Variants in NDUFA5 observed in about 807,000 individuals in gnomAD.
NDUFA5 encodes NADH dehydrogenase [ubiquinone] 1 alpha subcomplex subunit 5.
In NDUFA5, 11 loss-of-function variants were observed where a neutral mutation model predicts 19.8. The ratio of observed to expected loss-of-function variants is 0.56; its 90% CI spans 0.35 to 0.92. The LOEUF is 0.92. Among genes scored for constraint, NDUFA5 ranks in the 40% least tolerant of loss-of-function variants. The pLI is 0.01. For synonymous variants in NDUFA5, 47 were observed against 46.8 expected, an observed-to-expected ratio of 1.00 and a Z score of -0.01; for missense variants, 109 against 134.2, an observed-to-expected ratio of 0.81 and a Z score of 0.93.
At chr7:123,557,339 G>A (rs748602154) in intron 2 of NDUFA5, 65 bp downstream of exon 2, 192 of 1,605,930 alleles carry the variant, frequency 1.2e-4, no homozygotes, top group Non-Finnish European at 1.5e-4. Flanking sequence ...CCTGCAATAA[G>A]CAAAGTGACA....
chr7:123,590,475 A>T, the NDUFA5 span, among the ~76,000 whole-genome samples: 1 of 152,282 alleles, frequency 6.6e-6, no homozygotes, highest in East Asian at 1.9e-4. Flanking sequence ...TAAGTCTTTA[A>T]TCCATCTTGA....
intron 2 of NDUFA5, chr7:123,554,835 C>A (rs931389200): frequency 6.6e-6 from 1 of 152,212 alleles, no homozygotes; most frequent in South Asian, 2.1e-4. Context: ...GTGCACACCA[C>A]CACACCTGAT....
the NDUFA5 span, among the ~76,000 whole-genome samples, chr7:123,574,104 T>C: frequency 7.9e-5 from 12 of 152,180 alleles, no homozygotes; most frequent in African/African-American, 2.9e-4. Flanking sequence ...AAATATCCCC[T>C]TTGGAGTGCC....
chr7:123,576,039 T>G, the NDUFA5 span, among the ~76,000 whole-genome samples: 1 of 151,366 alleles, frequency 6.6e-6, no homozygotes, highest in Non-Finnish European at 1.5e-5. Flanking sequence ...TTGTTGGATT[T>G]TACTTGACTG....
chr7:123,540,865 T>G lies in NDUFA5; in HGVS notation c.*1254A>C, dbSNP rs1797905074. On this transcript the variant is annotated 3_prime_UTR_variant, in exon 5 of 5. Coordinates refer to ENST00000355749, the MANE Select transcript of NDUFA5 (RefSeq NM_005000.5). ...AGGAAAAATACCATTTTTTTCTCATTCTGAGCAAATGTGCGCATGCGCGTG... is the reference window on the plus strand; with the variant it reads ...AGGAAAAATACCATTTTTTTCTCATGCTGAGCAAATGTGCGCATGCGCGTG... 6.7e-6 allele frequency: 1 copy of G among 148,608 alleles called. No individual in the cohort carries two copies. The highest frequency in any genetic ancestry group is 6.7e-5 in the Admixed American group (1 of 14,816). 9.2% of individuals were successfully genotyped at this position (148,608 alleles called of 1,614,324 possible). A position where few individuals can be genotyped will look rare whatever the true frequency, so the allele number is the denominator to read the frequency against.
the NDUFA5 span, among the ~76,000 whole-genome samples, chr7:123,597,721 C>T: frequency 2.6e-5 from 4 of 152,020 alleles, no homozygotes; most frequent in African/African-American, 7.2e-5. Context: ...ATCCTAGCTA[C>T]GCGGGAGGCT....
chr7:123,572,323 G>A, the NDUFA5 span, among the ~76,000 whole-genome samples: 2 of 151,206 alleles, frequency 1.3e-5, no homozygotes, highest in Non-Finnish European at 3.0e-5. Context: ...TGTATTTTTA[G>A]TAGAGACAGG....
At chr7:123,601,197 G>T in the NDUFA5 span, among the ~76,000 whole-genome samples, 1 of 151,966 alleles carries the variant, frequency 6.6e-6, no homozygotes, top group African/African-American at 2.4e-5. Flanking sequence ...AACTTAATTG[G>T]TTTTTTAAAA....
the NDUFA5 span, among the ~76,000 whole-genome samples, chr7:123,569,636 G>T: frequency 6.6e-6 from 1 of 152,152 alleles, no homozygotes; most frequent in Non-Finnish European, 1.5e-5. Context: ...GAAGAAAGGT[G>T]GACAAGGTTA....
At chr7:123,546,814 T>A in intron 3 of NDUFA5, 1 of 670,576 alleles carries the variant, frequency 1.5e-6, no homozygotes, top group Non-Finnish European at 2.4e-6. Flanking sequence ...TGCATTATGA[T>A]AGGCTGAAAA....
At position 123,541,620 on chromosome 7, in the gene NDUFA5, G is replaced by A. The variant is rs1169547377; in HGVS notation, c.*499C>T. 1 of 152,126 alleles carries A rather than the reference G, an allele frequency of 6.6e-6. No homozygotes were observed. Among genetic ancestry groups the A allele is most frequent in the Non-Finnish European group, 1.5e-5 (1 of 68,008 alleles). The allele number at this position is 152,126 out of a possible 1,614,324, so 9.4% of individuals were successfully genotyped here. The stretch of plus-strand genomic sequence containing the variant: ...ACTTTACATACATAAGATCACAGCT[G>A]AGGTTAACCATAATTTCAAATTTTA... On this transcript the variant is annotated 3_prime_UTR_variant, in exon 5 of 5. Transcript: ENST00000355749.
At chr7:123,600,427 T>C in the NDUFA5 span, among the ~76,000 whole-genome samples, 1 of 152,196 alleles carries the variant, frequency 6.6e-6, no homozygotes, top group Non-Finnish European at 1.5e-5. Context: ...AGCCACACTT[T>C]AAAGTGTTAG....
the NDUFA5 span, among the ~76,000 whole-genome samples, chr7:123,579,530 C>G: frequency 6.6e-6 from 1 of 151,990 alleles, no homozygotes; most frequent in Admixed American, 6.6e-5. Context: ...GTTCTGATTT[C>G]TTTTCTCTCT....
the NDUFA5 span, among the ~76,000 whole-genome samples, chr7:123,573,314 AG>A: frequency 1.6e-5 from 1 of 64,422 alleles, no homozygotes; most frequent in African/African-American, 6.0e-5. Context: ...TTGTCATCTT[AG>A]GGTTTGGAAA....
chr7:123,600,879 G>A, the NDUFA5 span, among the ~76,000 whole-genome samples: 9 of 152,264 alleles, frequency 5.9e-5, no homozygotes, highest in East Asian at 1.9e-4. Flanking sequence ...AAACAAAAGC[G>A]TGTAGTGCTC....
chr7:123,565,411 A>ACG, the NDUFA5 span, among the ~76,000 whole-genome samples: 2 of 151,876 alleles, frequency 1.3e-5, no homozygotes, highest in African/African-American at 4.8e-5. Flanking sequence ...ACACACACAC[A>ACG]CACACACACA....
At chr7:123,594,701 C>T in the NDUFA5 span, among the ~76,000 whole-genome samples, 1 of 152,132 alleles carries the variant, frequency 6.6e-6, no homozygotes, top group African/African-American at 2.4e-5. Flanking sequence ...TCTGTCAGCC[C>T]CTACTGGGAG....
chr7:123,591,284 C>G, the NDUFA5 span, among the ~76,000 whole-genome samples: 3 of 152,170 alleles, frequency 2.0e-5, no homozygotes, highest in African/African-American at 4.8e-5. Context: ...GATTGAATAC[C>G]CTATATTTCT....
the NDUFA5 span, among the ~76,000 whole-genome samples, chr7:123,582,978 C>T: frequency 1.3e-5 from 2 of 151,958 alleles, no homozygotes; most frequent in African/African-American, 2.4e-5. Context: ...ATCTACTAGC[C>T]TCTATTTTAA....
Sources: allele counts gnomAD v4.1 joint callset (sites outside exome capture counted in the v4.1 genomes callset), GRCh38; gene constraint gnomAD v4.1.1; transcripts MANE v1.5; gene names NCBI Gene and HGNC (gene_info 2026-07-23, HGNC 2026-07-21).